The following MACROD2 variants were observed in gnomAD, a reference collection of about 807,000 sequenced individuals.
MACROD2 encodes mono-ADP ribosylhydrolase 2.
Under a neutral mutation model 70.4 loss-of-function variants are expected in MACROD2, and 36 were observed. The ratio of observed to expected loss-of-function variants is 0.51; its 90% CI spans 0.39 to 0.68. The LOEUF is 0.68. MACROD2 is among the 30% of genes least tolerant of loss of function. MACROD2 has a pLI of 0.00. For missense variants in MACROD2, 496 were observed against 538.4 expected (o/e 0.92, Z 0.78); for synonymous variants, 172 against 178.8 (o/e 0.96, Z 0.30).
intron 3 of MACROD2, among the ~76,000 whole-genome samples, chr20:14,342,083 G>T (rs754171971): frequency 1.3e-5 from 2 of 152,170 alleles, no homozygotes; most frequent in African/African-American, 2.4e-5. Flanking sequence ...CTTGATCACA[G>T]GTTCATTCCC....
At chr20:15,201,983 G>A (rs1313852499) in intron 5 of MACROD2, among the ~76,000 whole-genome samples, 9 of 152,128 alleles carry the variant, frequency 5.9e-5, no homozygotes, top group Non-Finnish European at 1.3e-4. Context: ...CACGGAAGGG[G>A]CACCTATTTA....
intron 4 of MACROD2, among the ~76,000 whole-genome samples, chr20:14,518,057 G>C (rs541290284): frequency 3.4e-4 from 51 of 152,082 alleles, no homozygotes; most frequent in Middle Eastern, 3.4e-3. Flanking sequence ...GGAAAACATT[G>C]ACGTTGTAAT....
chr20:15,389,061 T>G (rs748170537), intron 6 of MACROD2, among the ~76,000 whole-genome samples: 7 of 152,080 alleles, frequency 4.6e-5, no homozygotes, highest in Non-Finnish European at 1.0e-4. Flanking sequence ...GGTGGTTTCA[T>G]CAAGTAGGGG....
chr20:15,501,212 A>G (rs1341759152), intron 8 of MACROD2, among the ~76,000 whole-genome samples: 1 of 152,240 alleles, frequency 6.6e-6, no homozygotes, highest in East Asian at 1.9e-4. Flanking sequence ...TGGTCATAGT[A>G]AATGTTCCAC....
chr20:15,049,187 A>C (rs2075419334), intron 5 of MACROD2, among the ~76,000 whole-genome samples: 1 of 152,114 alleles, frequency 6.6e-6, no homozygotes, highest in African/African-American at 2.4e-5. Context: ...GTGGAATGAT[A>C]AACAGTAATG....
intron 4 of MACROD2, among the ~76,000 whole-genome samples, chr20:14,502,298 T>C (rs1420408261): frequency 6.6e-6 from 1 of 152,220 alleles, no homozygotes; most frequent in Non-Finnish European, 1.5e-5. Context: ...AGAATCCTCT[T>C]CTTCATTTAC....
chr20:15,894,499 C>T (rs1327405431), intron 10 of MACROD2, among the ~76,000 whole-genome samples: 2 of 152,190 alleles, frequency 1.3e-5, no homozygotes, highest in Non-Finnish European at 2.9e-5. Flanking sequence ...ACCAGGAACA[C>T]GCCTTCTCTG....
intron 10 of MACROD2, chr20:15,894,091 C>T (rs1568622957): frequency 4.0e-5 from 15 of 372,404 alleles, no homozygotes; most frequent in Non-Finnish European, 5.8e-5. Flanking sequence ...GGGTTCTCAA[C>T]AGTGTGGTTG....
chr20:15,225,690 C>A (rs566569099), intron 5 of MACROD2, among the ~76,000 whole-genome samples: 2 of 152,202 alleles, frequency 1.3e-5, no homozygotes, highest in East Asian at 1.9e-4. Flanking sequence ...TACATGAAGG[C>A]CTTCTTTGTC....
intron 5 of MACROD2, among the ~76,000 whole-genome samples, chr20:14,865,136 C>T (rs2073414544): frequency 6.6e-6 from 1 of 152,082 alleles, no homozygotes; most frequent in Non-Finnish European, 1.5e-5. Context: ...CCTCCCATGT[C>T]TGACTGCTAA....
Position 14,618,165 on chromosome 20 carries a change from G to A in MACROD2, c.302-66678G>A, listed in dbSNP as rs1395446731. ...CAGCTAAAATAATGCCTGGCACTTA[G>A]AAGGCCCTATTTGCTCATTTACTGA... On this transcript the variant is annotated intron_variant, in intron 4 of 17. Coordinates refer to ENST00000684519, the MANE Select transcript of MACROD2 (RefSeq NM_001351661.2). Among the ~76,000 whole-genome samples, 3 of 152,038 alleles carry A rather than the reference G, an allele frequency of 2.0e-5. No homozygotes were observed. The East Asian group carries it at 5.8e-4, about 29-fold the overall frequency.
intron 5 of MACROD2, among the ~76,000 whole-genome samples, chr20:14,819,879 G>A (rs576303284): frequency 6.6e-4 from 101 of 152,124 alleles, no homozygotes; most frequent in African/African-American, 2.1e-3. Flanking sequence ...GGAGATGGAA[G>A]CCCTGTGAAA....
At chr20:14,478,006 G>A (rs1220741506) in intron 3 of MACROD2, among the ~76,000 whole-genome samples, 1 of 152,100 alleles carries the variant, frequency 6.6e-6, no homozygotes, top group African/African-American at 2.4e-5. Flanking sequence ...CCATGATTAT[G>A]GTTGAAGGGT....
intron 3 of MACROD2, among the ~76,000 whole-genome samples, chr20:14,284,481 C>A (rs1222285563): frequency 6.6e-6 from 1 of 152,150 alleles, no homozygotes; most frequent in Admixed American, 6.6e-5. Flanking sequence ...TTAGCCACAT[C>A]TGAAAACTCA....
chr20:14,920,488 T>A (rs2074148570), intron 5 of MACROD2, among the ~76,000 whole-genome samples: 1 of 152,196 alleles, frequency 6.6e-6, no homozygotes. Flanking sequence ...TTTAATTTCG[T>A]TAAAAATGTT....
intron 5 of MACROD2, among the ~76,000 whole-genome samples, chr20:14,819,839 A>G (rs962624378): frequency 1.3e-5 from 2 of 152,076 alleles, no homozygotes; most frequent in Admixed American, 1.3e-4. Flanking sequence ...CATTGAGTTC[A>G]GGAGGGAGAG....
chr20:15,417,147 A>G (rs2046163514), intron 6 of MACROD2, among the ~76,000 whole-genome samples: 1 of 152,196 alleles, frequency 6.6e-6, no homozygotes, highest in Non-Finnish European at 1.5e-5. Context: ...TGACATTAGT[A>G]AACACAGAAA....
chr20:14,948,032 A>G (rs1226882912), intron 5 of MACROD2, among the ~76,000 whole-genome samples: 1 of 152,100 alleles, frequency 6.6e-6, no homozygotes, highest in African/African-American at 2.4e-5. Flanking sequence ...GCTCCAGAGC[A>G]AGTATTTCCC....
rs1388428768 is a variant in MACROD2, at chr20:14,571,815, A to G, written c.301+78307A>G. ...AGTTGGAGTCACGGGCTAGTTCTAC[A>G]ATTAAGAAAGACCAATTATTCAATC... On this transcript the variant is annotated intron_variant, in intron 4 of 17. Coordinates refer to ENST00000684519, the MANE Select transcript of MACROD2 (RefSeq NM_001351661.2). 2.0e-5 allele frequency among the ~76,000 whole-genome samples: 3 copies of G among 152,212 alleles called. No individual in the cohort carries two copies. In the South Asian group the frequency reaches 6.2e-4, roughly 32 times the overall value.
Sources: allele counts gnomAD v4.1 joint callset (sites outside exome capture counted in the v4.1 genomes callset), GRCh38; gene constraint gnomAD v4.1.1; transcripts MANE v1.5; gene names NCBI Gene and HGNC (gene_info 2026-07-23, HGNC 2026-07-21).